The following SBF2 variants were observed in gnomAD, a reference collection of about 807,000 sequenced individuals.
SBF2 encodes SET binding factor 2, also known as myotubularin-related protein 13.
A neutral mutation model predicts 225.2 loss-of-function variants in SBF2; 112 were observed. The ratio of observed to expected loss-of-function variants is 0.50; its 90% CI spans 0.43 to 0.58. The LOEUF (loss-of-function observed/expected upper bound fraction) is 0.58. Ranked by LOEUF, SBF2 falls within the 20% of genes least tolerant of loss-of-function variation. The pLI is 0.00. For missense variants in SBF2, 1,996 were observed against 2,206.2 expected (o/e 0.90, Z 1.91); for synonymous variants, 763 against 773.3 (o/e 0.99, Z 0.22).
In SBF2 at chr11:9,829,496, G is replaced by A; in HGVS notation, c.3653C>T (p.Ala1218Val). 6.2e-7 allele frequency: 1 copy of A among 1,603,384 alleles called. No homozygotes were observed. The highest frequency in any genetic ancestry group is 1.3e-5 in the African/African-American group (1 of 74,792). Residue 1218 changes from alanine (A) to valine (V), a missense_variant and splice_region_variant, in exon 28 of 40, where the codon GCT becomes GTT. Transcript: ENST00000256190. ...LFKSQNSPQA[A>V]PTSSLESSSS... Reference sequence around the variant, plus strand: ...GGAAGATTCTAAAGAGGAGGTAGGAGCTATAAAAGGAAAATATATTGAATA... The same window carrying A: ...GGAAGATTCTAAAGAGGAGGTAGGAACTATAAAAGGAAAATATATTGAATA...
At chr11:10,103,057 T>C (rs1202102294) in intron 2 of SBF2, among the ~76,000 whole-genome samples, 1 of 152,192 alleles carries the variant, frequency 6.6e-6, no homozygotes, top group South Asian at 2.1e-4. Flanking sequence ...ACAGATTCAG[T>C]TGGCCTCAGG....
chr11:9,892,717 G>A (rs540324612), intron 17 of SBF2, among the ~76,000 whole-genome samples: 82 of 151,914 alleles, frequency 5.4e-4, no homozygotes, highest in African/African-American at 1.8e-3. Flanking sequence ...ACGCCACCAC[G>A]CCCGGCTAAT....
In SBF2 at chr11:10,098,441, T is replaced by C. The variant is rs1267703363; in HGVS notation, c.142-55460A>G. Among the ~76,000 whole-genome samples, 7 of 150,558 alleles carry C rather than the reference T, an allele frequency of 4.6e-5. No homozygotes were observed. In the South Asian group the frequency reaches 1.5e-3, roughly 32 times the overall value. On this transcript the variant is annotated intron_variant, in intron 2 of 39. Coordinates refer to ENST00000256190, the MANE Select transcript of SBF2 (RefSeq NM_030962.4). ...CAAAGAAGATAACATCTTCTTTGAATGTGAAGATGGCAAGGCAAGGCTTCA... is the reference window on the plus strand; with the variant it reads ...CAAAGAAGATAACATCTTCTTTGAACGTGAAGATGGCAAGGCAAGGCTTCA...
chr11:9,884,331 G>A (rs1590326922), intron 17 of SBF2, among the ~76,000 whole-genome samples: 1 of 152,148 alleles, frequency 6.6e-6, no homozygotes, highest in East Asian at 1.9e-4. Context: ...CAATAATCTG[G>A]ACCTTTAGTT....
At position 10,303,497 on chromosome 11, in the gene SBF2, A is replaced by G. The variant is rs1383656609; in HGVS notation, n.386+995T>C. ...CGGCCCAGACAGACCACTCTGGGCA[A>G]GGTCCGCGCGACCCACTGCCCAGCC... On this transcript the variant is annotated intron_variant and non_coding_transcript_variant, in intron 1 of 5. Coordinates refer to the SBF2 transcript ENST00000685217. The surrounding 1 kb of genome is among the most constrained non-coding windows in gnomAD (Gnocchi z 5.2). 3.9e-5 allele frequency: 6 copies of G among 152,312 alleles called. No individual in the cohort carries two copies. Among genetic ancestry groups the G allele is most frequent in the Admixed American group, 3.9e-4 (6 of 15,282 alleles). 9.4% of individuals were successfully genotyped at this position (152,312 alleles called of 1,614,324 possible).
chr11:10,097,693 G>A (rs965181892), intron 2 of SBF2, among the ~76,000 whole-genome samples: 2 of 152,028 alleles, frequency 1.3e-5, no homozygotes, highest in Admixed American at 6.5e-5. Context: ...CAACACCCCA[G>A]TAGAAAAAAA....
At chr11:9,870,935 C>A (rs368032250) in intron 17 of SBF2, among the ~76,000 whole-genome samples, 103 of 149,380 alleles carry the variant, frequency 6.9e-4, no homozygotes, top group African/African-American at 2.3e-3. Context: ...GATCACGCCA[C>A]TGCACTCCAG....
At chr11:9,976,835 C>T (rs1303187864) in intron 13 of SBF2, among the ~76,000 whole-genome samples, 2 of 151,302 alleles carry the variant, frequency 1.3e-5, no homozygotes, top group African/African-American at 4.9e-5. Flanking sequence ...GTGGCGTGAT[C>T]TCGGCTCACT....
At chr11:10,050,462 C>T (rs975428825) in intron 2 of SBF2, among the ~76,000 whole-genome samples, 7 of 151,904 alleles carry the variant, frequency 4.6e-5, no homozygotes, top group African/African-American at 1.7e-4. Context: ...CCTATACATA[C>T]ATAACAATGA....
intron 1 of SBF2, among the ~76,000 whole-genome samples, chr11:10,292,631 A>G (rs1964234609): frequency 6.8e-6 from 1 of 147,596 alleles, no homozygotes; most frequent in African/African-American, 2.5e-5. Flanking sequence ...GTGAGCCAAG[A>G]TCGCACCACT....
rs1476371528 is a variant in SBF2, at chr11:10,212,867, T to C, written c.56-18880A>G. On this transcript the variant is annotated intron_variant, in intron 1 of 39. Transcript: ENST00000256190. ...GAGATCAAGACCATCCTGGCTAACA[T>C]GGGGAACCCCGTCTCTACTAAAAAT... is the stretch of plus-strand genomic sequence containing the variant. 2.6e-5 allele frequency among the ~76,000 whole-genome samples: 4 copies of C among 152,126 alleles called. No individual in the cohort carries two copies. The East Asian group carries it at 5.8e-4, about 22-fold the overall frequency.
chr11:10,253,369 G>A (rs1295180844), intron 1 of SBF2, among the ~76,000 whole-genome samples: 4 of 152,086 alleles, frequency 2.6e-5, no homozygotes, highest in Non-Finnish European at 5.9e-5. Flanking sequence ...TTTTTGGGAG[G>A]AGATGCAAGA....
intron 1 of SBF2, among the ~76,000 whole-genome samples, chr11:10,200,762 T>C (rs952458244): frequency 6.6e-6 from 1 of 152,118 alleles, no homozygotes; most frequent in Admixed American, 6.5e-5. Flanking sequence ...CTGATATATA[T>C]TGACAAACTC....
At chr11:9,785,449 C>T (rs1852309345) in intron 36 of SBF2, 131 bp from the exon 37 acceptor site, 2 of 762,496 alleles carry the variant, frequency 2.6e-6, no homozygotes, top group Middle Eastern at 3.0e-4. Flanking sequence ...ACAAAGGTAT[C>T]AATCTCAGAG....
intron 1 of SBF2, among the ~76,000 whole-genome samples, chr11:10,195,476 T>C (rs1312197504): frequency 6.6e-6 from 1 of 152,238 alleles, no homozygotes; most frequent in Non-Finnish European, 1.5e-5. Context: ...TTCTACATGT[T>C]GTCCTAGTTC....
chr11:9,922,538 T>G (rs1863713859), intron 16 of SBF2, among the ~76,000 whole-genome samples: 1 of 152,172 alleles, frequency 6.6e-6, no homozygotes, highest in South Asian at 2.1e-4. Flanking sequence ...TTTACAAAAT[T>G]AAACTAGTTT....
intron 33 of SBF2, among the ~76,000 whole-genome samples, chr11:9,795,131 GA>G (rs1564860246): frequency 6.6e-6 from 1 of 152,108 alleles, no homozygotes; most frequent in African/African-American, 2.4e-5. Flanking sequence ...ATTCCCTTGG[GA>G]AATGTTTTTA....
intron 1 of SBF2, among the ~76,000 whole-genome samples, chr11:10,230,979 T>C (rs1317461242): frequency 6.6e-6 from 1 of 152,212 alleles, no homozygotes; most frequent in Non-Finnish European, 1.5e-5. Context: ...TTTCACATAG[T>C]CCCTTATTTC....
intron 26 of SBF2, among the ~76,000 whole-genome samples, chr11:9,837,439 T>C (rs1298144610): frequency 5.3e-5 from 8 of 152,252 alleles, no homozygotes; most frequent in Non-Finnish European, 1.2e-4. Context: ...TGCTTATCTT[T>C]ATATAATAAA....
Sources: gnomAD v4.1 joint callset for allele counts (sites outside exome capture counted in the v4.1 genomes callset) on GRCh38, gnomAD v4.1.1 for gene constraint, Gnocchi (gnomAD v3.1) non-coding constraint, MANE v1.5 for transcripts, NCBI Gene and HGNC (gene_info 2026-07-23, HGNC 2026-07-21) for gene names.